Variants in TLN2 observed in about 807,000 individuals in gnomAD.
TLN2 encodes talin 2.
Under a neutral mutation model 294.7 loss-of-function variants are expected in TLN2, and 118 were observed. That is an observed-to-expected ratio of 0.40 (90% CI 0.34 to 0.47). The LOEUF is 0.47. TLN2 is among the 20% of genes least tolerant of loss of function. TLN2 has a pLI of 0.84. For missense variants in TLN2, 3,083 were observed against 3,282.2 expected (o/e 0.94, Z 1.48); for synonymous variants, 1,431 against 1,304.5 (o/e 1.10, Z -2.09).
chr15:62,562,906 TCACACACACACACA>T (rs61578830), intron 1 of TLN2, among the ~76,000 whole-genome samples: 9,402 of 99,186 alleles, frequency 0.095, 454 homozygotes, highest in Non-Finnish European at 0.11. Context: ...TAGTATTCCA[TCACACACACACACA>T]CACACACACA....
Position 62,717,592 on chromosome 15 carries a change from C to T in TLN2, c.2780C>T (p.Ala927Val), listed in dbSNP as rs766839466. 3.8e-6 allele frequency: 6 copies of T among 1,580,726 alleles called. No homozygotes were observed. The South Asian group carries it at 7.1e-5, about 19-fold the overall frequency. The change falls in exon 24 of 59, where the codon GCC (alanine) becomes GTC (valine). Residue 927 changes from alanine to valine, a missense_variant. Transcript: ENST00000636159. ...VNRLEVAAKQ[A>V]AAAATQTIAA... ...CCTCTGCAGGTTGCAGCCAAGCAGG[C>T]CGCAGCGGCAGCCACACAGACCATC...
intron 3 of TLN2, among the ~76,000 whole-genome samples, chr15:62,635,225 A>G (rs1044315540): frequency 2.0e-5 from 3 of 152,224 alleles, no homozygotes; most frequent in Admixed American, 6.5e-5. Flanking sequence ...AAAAATACTG[A>G]TGATTCCTTT....
At chr15:62,792,216 T>C (rs986394382) in intron 45 of TLN2, among the ~76,000 whole-genome samples, 6 of 152,196 alleles carry the variant, frequency 3.9e-5, no homozygotes, top group African/African-American at 1.4e-4. Context: ...AGAGCTATTT[T>C]GAAGAATAAA....
chr15:62,643,839 C>T (rs977388556), intron 3 of TLN2, among the ~76,000 whole-genome samples: 8 of 152,068 alleles, frequency 5.3e-5, no homozygotes, highest in South Asian at 2.1e-4. Flanking sequence ...GCAATAGACC[C>T]GGGCAGCCAT....
chr15:62,437,711 T>G (rs1479030972), intron 1 of TLN2, among the ~76,000 whole-genome samples: 3 of 151,578 alleles, frequency 2.0e-5, no homozygotes, highest in Non-Finnish European at 4.4e-5. Context: ...CAGGTTTACT[T>G]TTTTCCTCTG....
intron 55 of TLN2, 35 bp downstream of exon 55, chr15:62,833,664 A>C: frequency 3.1e-6 from 5 of 1,603,286 alleles, no homozygotes; most frequent in Non-Finnish European, 4.3e-6. Flanking sequence ...CGGGACACTC[A>C]ACGTACGAGA....
rs753666948 is a variant in TLN2, at chr15:62,647,400, G to A, written c.90G>A (p.Ala30=). The change falls in exon 4 of 59, where the codon GCG becomes GCA. Residue 30 remains alanine (A), a synonymous_variant. Transcript: ENST00000636159. ...QFEPSTAVYD[A]CRVIRERVPE... is the part of the protein sequence containing the mutation. ...AACCATCTACAGCTGTGTACGATGC[G>A]TGTCGAGTCATTCGGGAACGGGTGC... The A allele has an allele frequency of 2.0e-5, 32 of 1,614,088 alleles. No individual in the cohort carries two copies. The Middle Eastern group carries it at 8.2e-4, about 41-fold the overall frequency.
At chr15:62,515,480 C>A (rs2040141937) in intron 1 of TLN2, among the ~76,000 whole-genome samples, 1 of 152,182 alleles carries the variant, frequency 6.6e-6, no homozygotes, top group Admixed American at 6.5e-5. Flanking sequence ...TCTCTTTCTC[C>A]TTTTCTTTGA....
intron 1 of TLN2, among the ~76,000 whole-genome samples, chr15:62,549,562 A>AG (rs1003151633): frequency 1.4e-4 from 21 of 151,994 alleles, no homozygotes; most frequent in African/African-American, 4.1e-4. Flanking sequence ...GCTGGCCACT[A>AG]GAGGCGAAAT....
intron 51 of TLN2, among the ~76,000 whole-genome samples, chr15:62,807,461 G>C (rs1178798654): frequency 6.6e-6 from 1 of 152,206 alleles, no homozygotes; most frequent in Non-Finnish European, 1.5e-5. Context: ...TTCTCAGCCA[G>C]TCTGTTTCTG....
chr15:62,487,196 C>T lies in TLN2; in HGVS notation c.-238+96511C>T, dbSNP rs374875386. 4.6e-5 allele frequency among the ~76,000 whole-genome samples: 7 copies of T among 152,278 alleles called. No individual in the cohort carries two copies. In the East Asian group the frequency reaches 1.4e-3, roughly 29 times the overall value. On this transcript the variant is annotated intron_variant, in intron 1 of 58. Coordinates refer to ENST00000636159, the MANE Select transcript of TLN2 (RefSeq NM_015059.3). ...ACTGCATTTTCTTCCTTGTGAATCT[C>T]TTCTCTTCTGTCGTTGACTTACTGG...
intron 1 of TLN2, among the ~76,000 whole-genome samples, chr15:62,464,910 C>T (rs1177637695): frequency 1.3e-5 from 2 of 152,162 alleles, no homozygotes; most frequent in East Asian, 1.9e-4. Flanking sequence ...ATGATGATTT[C>T]GGATTTGTAC....
At chr15:62,802,579 T>G (rs2066006910) in intron 50 of TLN2, among the ~76,000 whole-genome samples, 1 of 152,242 alleles carries the variant, frequency 6.6e-6, no homozygotes, top group African/African-American at 2.4e-5. Context: ...TCCTTTCTTT[T>G]GGGTGTATAC....
At chr15:62,756,923 A>C (rs572289896) in intron 37 of TLN2, among the ~76,000 whole-genome samples, 2 of 151,814 alleles carry the variant, frequency 1.3e-5, no homozygotes, top group Admixed American at 1.3e-4. Flanking sequence ...ACAAACAAAA[A>C]CCCCTCCCTA....
intron 1 of TLN2, among the ~76,000 whole-genome samples, chr15:62,548,999 C>T (rs1248203058): frequency 6.6e-6 from 1 of 152,190 alleles, no homozygotes; most frequent in Non-Finnish European, 1.5e-5. Flanking sequence ...TGGTTTGCCA[C>T]TGGTCTTAAC....
At chr15:62,460,793 T>C (rs1445531483) in intron 1 of TLN2, among the ~76,000 whole-genome samples, 1 of 152,152 alleles carries the variant, frequency 6.6e-6, no homozygotes, top group Non-Finnish European at 1.5e-5. Context: ...AGTTGATGAA[T>C]TTTCACAAAC....
intron 48 of TLN2, among the ~76,000 whole-genome samples, chr15:62,799,828 G>A (rs1221201214): frequency 6.6e-6 from 1 of 152,254 alleles, no homozygotes; most frequent in Non-Finnish European, 1.5e-5. Context: ...AGGCCCAAGT[G>A]ATGGAAAGAG....
chr15:62,797,183 C>A (rs1470582460), intron 47 of TLN2, 36 bp from the exon 48 acceptor site: 1 of 1,611,788 alleles, frequency 6.2e-7, no homozygotes, highest in African/African-American at 1.3e-5. Context: ...TGCCCTCTGT[C>A]TCTCCCCCTC....
chr15:62,529,423 T>A (rs1481057458), intron 1 of TLN2, among the ~76,000 whole-genome samples: 1 of 152,068 alleles, frequency 6.6e-6, no homozygotes, highest in Non-Finnish European at 1.5e-5. Context: ...GTAAAGTAAC[T>A]ATTGAAGAGA....
Sources: gnomAD v4.1 joint callset for allele counts (sites outside exome capture counted in the v4.1 genomes callset) on GRCh38, gnomAD v4.1.1 for gene constraint, MANE v1.5 for transcripts, NCBI Gene and HGNC (gene_info 2026-07-23, HGNC 2026-07-21) for gene names.